Variants in SLC14A2 observed in about 807,000 individuals in gnomAD.
The protein encoded by SLC14A2 is solute carrier family 14 member 2.
In SLC14A2, 91 loss-of-function variants were observed where a neutral mutation model predicts 104.6. That is an observed-to-expected ratio of 0.87 (90% CI 0.73 to 1.04). SLC14A2 has a LOEUF of 1.04. SLC14A2 is among the 50% of genes least tolerant of loss of function. The probability of loss-of-function intolerance (pLI) is 0.00; values close to 1 mark genes in which losing one functional copy is unlikely to be tolerated. For missense variants in SLC14A2, 1,189 were observed against 1,156.0 expected (o/e 1.03, Z -0.41); for synonymous variants, 476 against 466.4 (o/e 1.02, Z -0.27).
rs2085904883 is a variant in SLC14A2 at position 45,387,042 on chromosome 18, G to C, written c.-124-96191G>C. 2.0e-5 allele frequency among the ~76,000 whole-genome samples: 3 copies of C among 152,134 alleles called. No individual in the cohort carries two copies. The South Asian group carries it at 6.2e-4, about 32-fold the overall frequency. ...CTGTTTCTGGAGTATTCTTTTCTGA[G>C]TTACTCTTTTTCTCTAAACTGGGCT... On this transcript the variant is annotated intron_variant, in intron 1 of 20. Coordinates refer to the SLC14A2 transcript ENST00000586448.
chr18:45,340,196 T>C (rs1032326170), intron 1 of SLC14A2, among the ~76,000 whole-genome samples: 6 of 152,204 alleles, frequency 3.9e-5, no homozygotes, highest in Admixed American at 2.6e-4. Context: ...GTTCATCATC[T>C]CCAAATTTTG....
chr18:45,536,155 G>A (rs2043778336), intron 2 of SLC14A2, among the ~76,000 whole-genome samples: 2 of 152,208 alleles, frequency 1.3e-5, no homozygotes, highest in African/African-American at 2.4e-5. Context: ...AAAACAGTCT[G>A]GAGAGCATGG....
At chr18:45,419,955 G>T (rs2086323816) in intron 1 of SLC14A2, among the ~76,000 whole-genome samples, 2 of 152,280 alleles carry the variant, frequency 1.3e-5, no homozygotes, top group African/African-American at 4.8e-5. Flanking sequence ...ACCTAAAGCT[G>T]CATAACAGAT....
At chr18:45,671,415 C>T (rs2046133493) in intron 16 of SLC14A2, among the ~76,000 whole-genome samples, 1 of 152,036 alleles carries the variant, frequency 6.6e-6, no homozygotes. Flanking sequence ...AAATTAGAGC[C>T]TTGAGTTTCT....
At chr18:45,538,850 C>T (rs1479969113) in intron 2 of SLC14A2, among the ~76,000 whole-genome samples, 68 of 105,254 alleles carry the variant, frequency 6.5e-4, no homozygotes, top group Middle Eastern at 6.0e-3. Flanking sequence ...TCCCCCTTCC[C>T]TTTTTTTTTT....
At chr18:45,680,428 C>T (rs1441563193) in intron 19 of SLC14A2, among the ~76,000 whole-genome samples, 1 of 152,172 alleles carries the variant, frequency 6.6e-6, no homozygotes, top group Non-Finnish European at 1.5e-5. Flanking sequence ...GTGTTGGCCA[C>T]TCTCCGGAAT....
chr18:45,415,731 T>C (rs778054341), intron 1 of SLC14A2, among the ~76,000 whole-genome samples: 2 of 152,142 alleles, frequency 1.3e-5, no homozygotes, highest in Non-Finnish European at 1.5e-5. Flanking sequence ...TTATTTCTAA[T>C]GGGGCTGAGT....
intron 1 of SLC14A2, chr18:45,483,170 C>A (rs1007319194): frequency 6.6e-6 from 1 of 151,890 alleles, no homozygotes; most frequent in Admixed American, 6.6e-5. Flanking sequence ...AATATTATTA[C>A]CTTTTCAAGA....
At chr18:45,292,994 C>T (rs939228408) in intron 1 of SLC14A2, among the ~76,000 whole-genome samples, 2 of 148,754 alleles carry the variant, frequency 1.3e-5, no homozygotes, top group Non-Finnish European at 2.9e-5. Context: ...ACCGCCCCTG[C>T]CCCCCCGCAA....
chr18:45,563,857 C>T (rs911563080), intron 2 of SLC14A2, among the ~76,000 whole-genome samples: 2 of 152,180 alleles, frequency 1.3e-5, no homozygotes, highest in Non-Finnish European at 2.9e-5. Context: ...GGTAATGCCA[C>T]GTGAATTTTC....
At chr18:45,214,914 TA>T (rs11332986) in intron 1 of SLC14A2, among the ~76,000 whole-genome samples, 68,959 of 113,300 alleles carry the variant, frequency 0.61, 20,514 homozygotes, top group East Asian at 0.76. Context: ...ACCATGTCTT[TA>T]AAAAAAAAAA....
intron 1 of SLC14A2, among the ~76,000 whole-genome samples, chr18:45,233,542 C>T (rs1161441141): frequency 1.3e-5 from 2 of 152,054 alleles, no homozygotes; most frequent in Admixed American, 1.3e-4. Flanking sequence ...CTGCGTATCA[C>T]GAAAATGTTT....
chr18:45,348,951 C>T (rs1160535045), intron 1 of SLC14A2, among the ~76,000 whole-genome samples: 2 of 152,186 alleles, frequency 1.3e-5, no homozygotes, highest in African/African-American at 4.8e-5. Context: ...GACCAGAATG[C>T]TCATGTCAGA....
chr18:45,591,124 T>C (rs1213861501), intron 2 of SLC14A2, among the ~76,000 whole-genome samples: 1 of 152,136 alleles, frequency 6.6e-6, no homozygotes, highest in East Asian at 1.9e-4. Context: ...TCACCCCCAT[T>C]GGAGGTGTAT....
intron 1 of SLC14A2, among the ~76,000 whole-genome samples, chr18:45,229,746 A>G (rs1044734102): frequency 4.6e-5 from 7 of 152,178 alleles, no homozygotes; most frequent in Admixed American, 1.3e-4. Flanking sequence ...AGTGGTCTCA[A>G]TGGTCTCTTT....
At chr18:45,562,204 G>C (rs566829998) in intron 2 of SLC14A2, among the ~76,000 whole-genome samples, 1 of 152,256 alleles carries the variant, frequency 6.6e-6, no homozygotes, top group Admixed American at 6.5e-5. Context: ...TCCCTTTAAG[G>C]AGCTTACAGT....
chr18:45,676,990 G>A (rs989235688), intron 18 of SLC14A2, among the ~76,000 whole-genome samples: 4 of 152,152 alleles, frequency 2.6e-5, no homozygotes, highest in Non-Finnish European at 5.9e-5. Context: ...AGTCAGTGAT[G>A]GATAAGACAG....
At chr18:45,280,067 T>A (rs1158854165) in intron 1 of SLC14A2, among the ~76,000 whole-genome samples, 3 of 152,198 alleles carry the variant, frequency 2.0e-5, no homozygotes, top group Non-Finnish European at 4.4e-5. Flanking sequence ...CTGATCTATT[T>A]CTAACAAACC....
chr18:45,441,164 C>T (rs2086676808), intron 1 of SLC14A2, among the ~76,000 whole-genome samples: 1 of 152,140 alleles, frequency 6.6e-6, no homozygotes, highest in Non-Finnish European at 1.5e-5. Context: ...TCTACTTATG[C>T]CAATGTTCCA....
Sources: allele counts gnomAD v4.1 joint callset (sites outside exome capture counted in the v4.1 genomes callset), GRCh38; gene constraint gnomAD v4.1.1; transcripts MANE v1.5; gene names NCBI Gene and HGNC (gene_info 2026-07-23, HGNC 2026-07-21).